The following PGCKA1 variants were observed in gnomAD, a reference collection of about 807,000 sequenced individuals.
PGCKA1 encodes the protein PDCD10 and GCKIII kinases-associated protein 1.
the PGCKA1 span, among the ~76,000 whole-genome samples, chr4:37,491,403 G>A: frequency 2.0e-5 from 3 of 152,082 alleles, no homozygotes; most frequent in African/African-American, 7.2e-5. Context: ...TTCAGAAATG[G>A]GGCATATGCT....
the PGCKA1 span, among the ~76,000 whole-genome samples, chr4:37,570,211 G>C: frequency 2.1e-5 from 3 of 142,692 alleles, no homozygotes; most frequent in Non-Finnish European, 3.0e-5. Flanking sequence ...TGTTAGCCAG[G>C]ATGGTCTCGA....
the PGCKA1 span, among the ~76,000 whole-genome samples, chr4:37,472,474 ATC>A: frequency 3.9e-5 from 6 of 152,222 alleles, no homozygotes; most frequent in African/African-American, 1.2e-4. Flanking sequence ...CTACTGCCCC[ATC>A]TCTGTTTCCC....
the PGCKA1 span, among the ~76,000 whole-genome samples, chr4:37,543,727 G>A: frequency 1.3e-5 from 2 of 151,634 alleles, no homozygotes; most frequent in Non-Finnish European, 2.9e-5. Context: ...CCAGCTACTC[G>A]GGAGGCTGAG....
chr4:37,517,173 C>T, the PGCKA1 span, among the ~76,000 whole-genome samples: 1 of 151,562 alleles, frequency 6.6e-6, no homozygotes, highest in Non-Finnish European at 1.5e-5. Flanking sequence ...ATCACTTGAA[C>T]CCGGGAGGCG....
the PGCKA1 span, among the ~76,000 whole-genome samples, chr4:37,492,982 CTG>C: frequency 6.6e-5 from 10 of 152,204 alleles, no homozygotes; most frequent in East Asian, 1.4e-3. This position sits in a 1 kb window ranked among gnomAD's most constrained non-coding sequence, Gnocchi z 4.7. Flanking sequence ...TTCCAAAATG[CTG>C]TTACTGTCAT....
chr4:37,494,613 C>T, the PGCKA1 span, among the ~76,000 whole-genome samples: 10 of 152,182 alleles, frequency 6.6e-5, no homozygotes, highest in Admixed American at 2.6e-4. Context: ...TATGATAGAA[C>T]GATTTATATT....
chr4:37,469,401 G>A, the PGCKA1 span, among the ~76,000 whole-genome samples: 1 of 152,130 alleles, frequency 6.6e-6, no homozygotes, highest in African/African-American at 2.4e-5. Context: ...TAAGCTTCTT[G>A]AATACCAACT....
At chr4:37,472,264 A>T in the PGCKA1 span, among the ~76,000 whole-genome samples, 1 of 152,176 alleles carries the variant, frequency 6.6e-6, no homozygotes, top group Non-Finnish European at 1.5e-5. Flanking sequence ...CTCAGAGGAT[A>T]AGGTGTTCCT....
chr4:37,580,498 C>T, the PGCKA1 span, among the ~76,000 whole-genome samples: 2 of 152,234 alleles, frequency 1.3e-5, no homozygotes, highest in Non-Finnish European at 2.9e-5. Flanking sequence ...GCACCCCAAG[C>T]CCAGTAATGC....
the PGCKA1 span, among the ~76,000 whole-genome samples, chr4:37,490,165 C>T: frequency 6.6e-6 from 1 of 152,102 alleles, no homozygotes; most frequent in Non-Finnish European, 1.5e-5. Context: ...TTTCATTGCT[C>T]TCCTGTATGT....
the PGCKA1 span, among the ~76,000 whole-genome samples, chr4:37,574,139 G>C: frequency 1.3e-5 from 2 of 151,148 alleles, no homozygotes; most frequent in African/African-American, 4.9e-5. Flanking sequence ...AGTGAGCCAA[G>C]ATCATGCCAC....
the PGCKA1 span, among the ~76,000 whole-genome samples, chr4:37,466,210 A>G: frequency 6.6e-6 from 1 of 152,214 alleles, no homozygotes; most frequent in East Asian, 1.9e-4. Context: ...TGTACAAGCC[A>G]TCTCTGCCTT....
At chr4:37,475,937 G>T in the PGCKA1 span, among the ~76,000 whole-genome samples, 1 of 150,424 alleles carries the variant, frequency 6.6e-6, no homozygotes, top group East Asian at 1.9e-4. Flanking sequence ...ACTAAAATAT[G>T]TATTTTATTT....
chr4:37,535,434 C>T, the PGCKA1 span, among the ~76,000 whole-genome samples: 1 of 152,110 alleles, frequency 6.6e-6, no homozygotes, highest in Non-Finnish European at 1.5e-5. Flanking sequence ...GTTGGATATG[C>T]CCACAATTTG....
At chr4:37,511,043 A>G in the PGCKA1 span, among the ~76,000 whole-genome samples, 7 of 151,980 alleles carry the variant, frequency 4.6e-5, no homozygotes, top group African/African-American at 1.7e-4. Flanking sequence ...TTAAGGCCAA[A>G]GGGCTCTTCA....
chr4:37,517,051 G>T, the PGCKA1 span, among the ~76,000 whole-genome samples: 3 of 151,962 alleles, frequency 2.0e-5, no homozygotes, highest in African/African-American at 7.3e-5. Context: ...AGGAGTTCAA[G>T]ACCAGCCTGC....
At chr4:37,511,368 G>T in the PGCKA1 span, among the ~76,000 whole-genome samples, 1 of 152,114 alleles carries the variant, frequency 6.6e-6, no homozygotes, top group Admixed American at 6.5e-5. Flanking sequence ...TACCACCTGG[G>T]TACCACTGCT....
At chr4:37,490,126 AACTC>A in the PGCKA1 span, among the ~76,000 whole-genome samples, 2 of 152,170 alleles carry the variant, frequency 1.3e-5, no homozygotes, top group Non-Finnish European at 2.9e-5. Flanking sequence ...AGGTAATTGA[AACTC>A]AATTTTCAGC....
chr4:37,474,447 T>C, the PGCKA1 span, among the ~76,000 whole-genome samples: 2 of 152,174 alleles, frequency 1.3e-5, no homozygotes, highest in Non-Finnish European at 2.9e-5. Flanking sequence ...ACGTTGCCTC[T>C]CTTTGACCCC....
Sources: gnomAD v4.1 joint callset for allele counts (sites outside exome capture counted in the v4.1 genomes callset) on GRCh38, gnomAD v4.1.1 for gene constraint, Gnocchi (gnomAD v3.1) non-coding constraint, MANE v1.5 for transcripts, NCBI Gene and HGNC (gene_info 2026-07-23, HGNC 2026-07-21) for gene names.